Variants in PCDHGB6 observed in about 807,000 individuals in gnomAD.
The protein encoded by PCDHGB6 is protocadherin gamma subfamily B, 6, also known as protocadherin gamma-B6.
In PCDHGB6, 51 loss-of-function variants were observed where a neutral mutation model predicts 59.1. That is an observed-to-expected ratio of 0.86 (90% CI 0.69 to 1.09). The LOEUF (loss-of-function observed/expected upper bound fraction) is 1.09. Ranked by LOEUF, PCDHGB6 falls within the 50% of genes least tolerant of loss-of-function variation. PCDHGB6 has a pLI of 0.00. For synonymous variants in PCDHGB6, 466 were observed against 495.1 expected, an observed-to-expected ratio of 0.94 and a Z score of 0.78; for missense variants, 1,148 against 1,205.1, an observed-to-expected ratio of 0.95 and a Z score of 0.70.
At chr5:141,422,459 T>C (rs1368153179) in intron 1 of PCDHGB6, 1 of 1,613,448 alleles carries the variant, frequency 6.2e-7, no homozygotes, top group South Asian at 1.1e-5. Context: ...AGCAGAGTGC[T>C]GGACAGGGAG....
rs1471863168 is a variant in PCDHGB6, at chr5:141,476,550, G to A, written c.2419-18257G>A. ...ACCCAGGAAATGAAATTGGAGATTA[G>A]CGAGGCCGTGGCTCCGGGGACGCGC... On this transcript the variant is annotated intron_variant, in intron 1 of 3. Transcript: ENST00000520790. The surrounding 1 kb of genome is among the most constrained non-coding windows in gnomAD (Gnocchi z 7.6). 1.2e-6 allele frequency: 2 copies of A among 1,614,110 alleles called. No individual in the cohort carries two copies. The highest frequency in any genetic ancestry group is 4.5e-5 in the East Asian group (2 of 44,884).
At chr5:141,484,383 A>C (rs968059260) in intron 1 of PCDHGB6, among the ~76,000 whole-genome samples, 1 of 152,194 alleles carries the variant, frequency 6.6e-6, no homozygotes, top group Non-Finnish European at 1.5e-5. Context: ...ATGTCTGAAT[A>C]AGAAAGGTTT....
Position 141,487,397 on chromosome 5 carries a change from G to A in PCDHGB6, c.2419-7410G>A. 1 of 1,614,062 alleles carries A rather than the reference G, an allele frequency of 6.2e-7. No homozygotes were observed. Among genetic ancestry groups the A allele is most frequent in the Middle Eastern group, 1.6e-4 (1 of 6,062 alleles). Reference sequence around the variant, plus strand: ...TCTCACCAGATCTCGAAGGAGGGAGGGGCTTCCCCCTTCCAATGGGATCCT... The same window carrying A: ...TCTCACCAGATCTCGAAGGAGGGAGAGGCTTCCCCCTTCCAATGGGATCCT... On this transcript the variant is annotated intron_variant, in intron 1 of 3. Coordinates refer to ENST00000520790, the MANE Select transcript of PCDHGB6 (RefSeq NM_018926.3). This position sits in a 1 kb window ranked among gnomAD's most constrained non-coding sequence, Gnocchi z 5.0.
chr5:141,418,542 T>G, intron 1 of PCDHGB6: 1 of 1,614,028 alleles, frequency 6.2e-7, no homozygotes, highest in Non-Finnish European at 8.5e-7. Flanking sequence ...ACTGCTCAGA[T>G]AAGAATCCTG....
At position 141,432,204 on chromosome 5, in the gene PCDHGB6, A is replaced by G. The variant is rs1204867610; in HGVS notation, c.2418+21584A>G. On this transcript the variant is annotated intron_variant, in intron 1 of 3. Coordinates refer to ENST00000520790, the MANE Select transcript of PCDHGB6 (RefSeq NM_018926.3). This position sits in a 1 kb window ranked among gnomAD's most constrained non-coding sequence, Gnocchi z 6.0. ...GTGACCGCCCACGACCCCGACTGTG[A>G]AGAGAACGCCCAGATCACTTATTCC... 1.9e-6 allele frequency: 3 copies of G among 1,614,070 alleles called. No homozygotes were observed. Among genetic ancestry groups the G allele is most frequent in the African/African-American group, 2.7e-5 (2 of 74,928 alleles).
chr5:141,446,578 GTGAT>G (rs2098507706), intron 1 of PCDHGB6, among the ~76,000 whole-genome samples: 1 of 152,064 alleles, frequency 6.6e-6, no homozygotes, highest in African/African-American at 2.4e-5. Context: ...CCAGGTTCAA[GTGAT>G]TCTTCTGCCT....
chr5:141,431,474 G>T lies in PCDHGB6; in HGVS notation c.2418+20854G>T, dbSNP rs747313827. 3.7e-6 allele frequency: 6 copies of T among 1,613,842 alleles called. No homozygotes were observed. The South Asian group carries it at 6.6e-5, about 18-fold the overall frequency. ...GATGGTTCTGGATGCGAACGACAAC[G>T]CACCAGCGTTTGCTCAGCCCGAGTA... is the stretch of plus-strand genomic sequence containing the variant. On this transcript the variant is annotated intron_variant, in intron 1 of 3. Transcript: ENST00000520790. The surrounding 1 kb of genome is among the most constrained non-coding windows in gnomAD (Gnocchi z 4.8).
chr5:141,458,249 GCT>G (rs1291613361), intron 1 of PCDHGB6, among the ~76,000 whole-genome samples: 1 of 152,136 alleles, frequency 6.6e-6, no homozygotes, highest in African/African-American at 2.4e-5. Flanking sequence ...AAATGATACG[GCT>G]CTGATGAGTG....
intron 1 of PCDHGB6, chr5:141,418,256 T>C: frequency 1.2e-6 from 2 of 1,614,046 alleles, no homozygotes; most frequent in Non-Finnish European, 1.7e-6. Context: ...CGCCCCTCAA[T>C]TCCGGAAAGA....
intron 1 of PCDHGB6, chr5:141,422,736 C>T (rs1408210168): frequency 9.9e-6 from 16 of 1,608,328 alleles, no homozygotes; most frequent in Non-Finnish European, 1.2e-5. Context: ...TGCCTCTGTC[C>T]TCCTATGTCT....
At chr5:141,427,808 G>C (rs756554301) in intron 1 of PCDHGB6, 1 of 1,522,948 alleles carries the variant, frequency 6.6e-7, no homozygotes, top group Non-Finnish European at 9.0e-7. Context: ...TGAGCGCACA[G>C]AGCGGGGTGG....
Position 141,490,083 on chromosome 5 carries a change from T to G in PCDHGB6, c.2419-4724T>G. Reference sequence around the variant, plus strand: ...CCAACGGCCAACTAGACTATTCTTTTGGAGACCACACATCTGAGGCAGTGC... The same window carrying G: ...CCAACGGCCAACTAGACTATTCTTTGGGAGACCACACATCTGAGGCAGTGC... On this transcript the variant is annotated intron_variant, in intron 1 of 3. Coordinates refer to ENST00000520790, the MANE Select transcript of PCDHGB6 (RefSeq NM_018926.3). This position sits in a 1 kb window ranked among gnomAD's most constrained non-coding sequence, Gnocchi z 5.4. 1.2e-6 allele frequency: 2 copies of G among 1,614,262 alleles called. No individual in the cohort carries two copies. The highest frequency in any genetic ancestry group is 1.7e-6 in the Non-Finnish European group (2 of 1,180,054).
chr5:141,503,222 G>T (rs540244346), intron 2 of PCDHGB6, among the ~76,000 whole-genome samples: 1 of 152,120 alleles, frequency 6.6e-6, no homozygotes, highest in East Asian at 1.9e-4. Context: ...CATGAGCACC[G>T]TAAAGATGGA....
intron 1 of PCDHGB6, among the ~76,000 whole-genome samples, chr5:141,472,224 A>G (rs570743680): frequency 1.4e-4 from 21 of 152,330 alleles, no homozygotes; most frequent in African/African-American, 4.1e-4. Context: ...TCTCGATCAT[A>G]TAATACATTC....
chr5:141,416,016 G>C (rs190922355), intron 1 of PCDHGB6: 29 of 227,390 alleles, frequency 1.3e-4, no homozygotes, highest in Non-Finnish European at 2.2e-4. Context: ...GAATAGGTAA[G>C]TATCAGAAAG....
Position 141,493,022 on chromosome 5 carries a change from G to T in PCDHGB6, c.2419-1785G>T, listed in dbSNP as rs1184742888. ...GCTATAGGCTCTGCCAGATGCCAGG[G>T]TGCCCTTATGTGTGAGGAAACTACA... On this transcript the variant is annotated intron_variant, in intron 1 of 3. Transcript: ENST00000520790. The surrounding 1 kb of genome is among the most constrained non-coding windows in gnomAD (Gnocchi z 4.3). Among the ~76,000 whole-genome samples the T allele has an allele frequency of 1.3e-5, 2 of 152,222 alleles. No individual in the cohort carries two copies. Among genetic ancestry groups the T allele is most frequent in the Admixed American group, 1.3e-4 (2 of 15,282 alleles).
rs780541121 is a variant in PCDHGB6 at position 141,477,533 on chromosome 5, G to T, written c.2419-17274G>T. ...TTACATTGAAGAAAACAACCTCCCCGGGGCTCCAATACTAAACCTAAGTGT... is the reference window on the plus strand; with the variant it reads ...TTACATTGAAGAAAACAACCTCCCCTGGGCTCCAATACTAAACCTAAGTGT... On this transcript the variant is annotated intron_variant, in intron 1 of 3. Coordinates refer to ENST00000520790, the MANE Select transcript of PCDHGB6 (RefSeq NM_018926.3). This position sits in a 1 kb window ranked among gnomAD's most constrained non-coding sequence, Gnocchi z 4.9. 6.2e-7 allele frequency: 1 copy of T among 1,614,010 alleles called. No homozygotes were observed. The highest frequency in any genetic ancestry group is 1.1e-5 in the South Asian group (1 of 91,066).
In PCDHGB6 at chr5:141,493,811, A is replaced by T. The variant is rs956872917; in HGVS notation, c.2419-996A>T. Reference sequence around the variant, plus strand: ...CTCCCTGGAGTAATCTGAGATACTCACACTCTCTGCTTCTGGGAGCAAGTA... The same window carrying T: ...CTCCCTGGAGTAATCTGAGATACTCTCACTCTCTGCTTCTGGGAGCAAGTA... On this transcript the variant is annotated intron_variant, in intron 1 of 3. Transcript: ENST00000520790. The surrounding 1 kb of genome is among the most constrained non-coding windows in gnomAD (Gnocchi z 4.3). Among the ~76,000 whole-genome samples the T allele has an allele frequency of 1.3e-5, 2 of 152,154 alleles. No homozygotes were observed. The highest frequency in any genetic ancestry group is 2.9e-5 in the Non-Finnish European group (2 of 68,036).
At chr5:141,462,540 T>G (rs2099042148) in intron 1 of PCDHGB6, among the ~76,000 whole-genome samples, 2 of 152,204 alleles carry the variant, frequency 1.3e-5, no homozygotes, top group Non-Finnish European at 2.9e-5. Flanking sequence ...TCAGTGATCT[T>G]TTCTTCTTCA....
Sources: gnomAD v4.1 joint callset for allele counts (sites outside exome capture counted in the v4.1 genomes callset) on GRCh38, gnomAD v4.1.1 for gene constraint, Gnocchi (gnomAD v3.1) non-coding constraint, MANE v1.5 for transcripts, NCBI Gene and HGNC (gene_info 2026-07-23, HGNC 2026-07-21) for gene names.